The following COL11A1 variants were observed in gnomAD, a reference collection of about 807,000 sequenced individuals.
COL11A1 encodes the protein collagen alpha-1(XI) chain.
Under a neutral mutation model 265.2 loss-of-function variants are expected in COL11A1, and 74 were observed. The observed-to-expected ratio is 0.28, with a 90% CI of 0.23 to 0.34. COL11A1 has a LOEUF of 0.34. Among genes scored for constraint, COL11A1 ranks in the 10% least tolerant of loss-of-function variants. COL11A1 has a pLI of 1.00. For missense variants in COL11A1, 2,165 were observed against 2,263.6 expected, an observed-to-expected ratio of 0.96 and a Z score of 0.88; for synonymous variants, 816 against 727.6, an observed-to-expected ratio of 1.12 and a Z score of -1.96.
intron 42 of COL11A1, among the ~76,000 whole-genome samples, chr1:102,944,281 T>A (rs188953027): frequency 3.0e-4 from 46 of 152,244 alleles, no homozygotes; most frequent in Non-Finnish European, 2.8e-4. Flanking sequence ...TTTTCATCAG[T>A]TTTTATTAAA....
chr1:103,065,434 G>T (rs1230340740), intron 4 of COL11A1, among the ~76,000 whole-genome samples: 19 of 145,432 alleles, frequency 1.3e-4, no homozygotes, highest in African/African-American at 4.5e-4. Context: ...GCAGGAGAAT[G>T]GCATGAACCC....
At chr1:103,011,073 C>T (rs924652450) in intron 14 of COL11A1, among the ~76,000 whole-genome samples, 5 of 152,014 alleles carry the variant, frequency 3.3e-5, no homozygotes, top group Non-Finnish European at 5.9e-5. Flanking sequence ...ACCTGGTGCA[C>T]GTATTAAAAT....
intron 13 of COL11A1, among the ~76,000 whole-genome samples, chr1:103,014,243 A>G (rs1330392705): frequency 6.6e-6 from 1 of 152,118 alleles, no homozygotes; most frequent in Non-Finnish European, 1.5e-5. Context: ...TGGGAAAAAA[A>G]AATAGAAATC....
At position 103,074,734 on chromosome 1, in the gene COL11A1, T is replaced by A. The variant is rs753171168; in HGVS notation, c.535A>T (p.Ile179Phe). 6.2e-7 allele frequency: 1 copy of A among 1,613,354 alleles called. No homozygotes were observed. Among genetic ancestry groups the A allele is most frequent in the Admixed American group, 1.7e-5 (1 of 59,852 alleles). The change falls in exon 4 of 67, where the codon ATT becomes TTT. Residue 179 changes from isoleucine to phenylalanine, a missense_variant. Transcript: ENST00000370096. The part of the protein sequence containing the change: ...ISVEKKTVTM[I>F]VDCKKKTTKP... ...GTGGTTTTCTTCTTACAATCAACAA[T>A]CATTGTCACAGTTTTCTTCTCCACG...
chr1:102,924,991 A>G (rs572393709), intron 46 of COL11A1, among the ~76,000 whole-genome samples: 1 of 151,784 alleles, frequency 6.6e-6, no homozygotes, highest in South Asian at 2.1e-4. Context: ...TTATTTATAT[A>G]TTAATACATC....
Position 102,915,630 on chromosome 1 carries a change from C to T in COL11A1, c.3816+1G>A, listed in dbSNP as rs398122828. ...TATGTTAACAATAACACAGTACTTA[C>T]GCCTACACCTGCTTCCCCAGGAGGC... On this transcript the variant is annotated splice_donor_variant, in intron 50 of 66. Transcript: ENST00000370096. LOFTEE classifies it high-confidence loss of function. 6.2e-7 allele frequency: 1 copy of T among 1,612,494 alleles called. No homozygotes were observed. The highest frequency in any genetic ancestry group is 8.5e-7 in the Non-Finnish European group (1 of 1,178,602).
chr1:103,003,640 G>C (rs1173895696), intron 20 of COL11A1, among the ~76,000 whole-genome samples: 5 of 152,120 alleles, frequency 3.3e-5, no homozygotes, highest in Admixed American at 3.3e-4. Context: ...ATAAATAGAA[G>C]AGTCTTGATT....
At chr1:103,012,981 T>C (rs1666249381) in intron 13 of COL11A1, among the ~76,000 whole-genome samples, 1 of 152,146 alleles carries the variant, frequency 6.6e-6, no homozygotes, top group Admixed American at 6.5e-5. Flanking sequence ...AGAAGAATGT[T>C]TTATTTTGTA....
At chr1:102,978,813 A>T (rs1490232387) in intron 34 of COL11A1, 47 bp downstream of exon 34, 2 of 1,613,366 alleles carry the variant, frequency 1.2e-6, no homozygotes, top group South Asian at 2.2e-5. Context: ...ATCTGCCTGG[A>T]AAAAAAATCT....
At chr1:102,937,212 A>T (rs1242304363) in intron 44 of COL11A1, among the ~76,000 whole-genome samples, 2 of 152,180 alleles carry the variant, frequency 1.3e-5, no homozygotes, top group African/African-American at 4.8e-5. Context: ...TTGGGCTCCT[A>T]AAAACCTTTC....
chr1:102,941,427 T>C (rs1316404411), intron 42 of COL11A1, among the ~76,000 whole-genome samples: 6 of 152,204 alleles, frequency 3.9e-5, no homozygotes, highest in African/African-American at 1.4e-4. Flanking sequence ...AATTTACTTG[T>C]TTACTTTTCC....
At chr1:102,983,085 C>T (rs1464826055) in intron 31 of COL11A1, among the ~76,000 whole-genome samples, 1 of 152,032 alleles carries the variant, frequency 6.6e-6, no homozygotes, top group Non-Finnish European at 1.5e-5. Context: ...TATTAATTCA[C>T]TTAACAGGCT....
chr1:102,927,845 T>A (rs2101119781), intron 46 of COL11A1, among the ~76,000 whole-genome samples: 1 of 152,314 alleles, frequency 6.6e-6, no homozygotes, highest in East Asian at 1.9e-4. Context: ...CGACTTAATT[T>A]ATTTTACCTA....
In COL11A1 at chr1:103,074,756, C is replaced by T; in HGVS notation, c.513G>A (p.Val171=). 6.2e-7 allele frequency: 1 copy of T among 1,613,234 alleles called. No individual in the cohort carries two copies. Among genetic ancestry groups the T allele is most frequent in the Non-Finnish European group, 8.5e-7 (1 of 1,179,556 alleles). ...CAATCATTGTCACAGTTTTCTTCTCCACGCTGATTGCTACCCGATGCCACC... is the reference window on the plus strand; with the variant it reads ...CAATCATTGTCACAGTTTTCTTCTCTACGCTGATTGCTACCCGATGCCACC... ...DGKWHRVAIS[V]EKKTVTMIVD... is the part of the protein sequence containing the mutation. The change falls in exon 4 of 67, where the codon GTG becomes GTA. Residue 171 remains valine (V), a synonymous_variant. Coordinates refer to ENST00000370096, the MANE Select transcript of COL11A1 (RefSeq NM_001854.4).
intron 35 of COL11A1, among the ~76,000 whole-genome samples, chr1:102,977,885 C>G (rs80344411): frequency 1.3e-5 from 2 of 152,010 alleles, no homozygotes; most frequent in East Asian, 3.9e-4. Context: ...AATAAAAACT[C>G]AAGTTTTGCT....
At chr1:103,094,391 G>A (rs1328990502) in intron 1 of COL11A1, among the ~76,000 whole-genome samples, 1 of 152,114 alleles carries the variant, frequency 6.6e-6, no homozygotes, top group African/African-American at 2.4e-5. Flanking sequence ...ACCCTTCTAT[G>A]ATATGGTAAC....
chr1:103,094,274 G>T (rs1673563792), intron 1 of COL11A1, among the ~76,000 whole-genome samples: 1 of 152,036 alleles, frequency 6.6e-6, no homozygotes, highest in Non-Finnish European at 1.5e-5. Flanking sequence ...CAGAAGATGG[G>T]GAAGAAGAAA....
At chr1:102,911,754 C>T (rs1318137564) in intron 54 of COL11A1, among the ~76,000 whole-genome samples, 1 of 152,130 alleles carries the variant, frequency 6.6e-6, no homozygotes, top group Non-Finnish European at 1.5e-5. Context: ...TTCCTGAGCT[C>T]ATTTCACCTC....
At chr1:103,040,719 T>C (rs574094141) in intron 4 of COL11A1, among the ~76,000 whole-genome samples, 2 of 151,880 alleles carry the variant, frequency 1.3e-5, no homozygotes, top group South Asian at 4.1e-4. Context: ...ATGAAAATCA[T>C]TTTGAGACCT....
Sources: allele counts gnomAD v4.1 joint callset (sites outside exome capture counted in the v4.1 genomes callset), GRCh38; gene constraint gnomAD v4.1.1; transcripts MANE v1.5; gene names NCBI Gene and HGNC (gene_info 2026-07-23, HGNC 2026-07-21).